Variants in LIN28B observed in about 807,000 individuals in gnomAD.
LIN28B encodes protein lin-28 homolog B.
In LIN28B, 5 loss-of-function variants were observed where a neutral mutation model predicts 21.9. The observed-to-expected ratio is 0.23, with a 90% CI of 0.12 to 0.48. The LOEUF (loss-of-function observed/expected upper bound fraction) is 0.48, where lower values mean the gene tolerates loss of function less well. LIN28B is among the 20% of genes least tolerant of loss of function. The probability of loss-of-function intolerance (pLI) is 0.98; values close to 1 mark genes in which losing one functional copy is unlikely to be tolerated. For synonymous variants in LIN28B, 109 were observed against 111.3 expected (o/e 0.98, Z 0.13); for missense variants, 245 against 310.5 (o/e 0.79, Z 1.58).
chr6:105,007,605 G>C (rs1453783230), intron 2 of LIN28B, among the ~76,000 whole-genome samples: 1 of 149,458 alleles, frequency 6.7e-6, no homozygotes, highest in Non-Finnish European at 1.5e-5. Flanking sequence ...GCTAACTACA[G>C]CCTTTAATTC....
At chr6:105,005,596 G>A (rs1057236275) in intron 2 of LIN28B, among the ~76,000 whole-genome samples, 7 of 152,010 alleles carry the variant, frequency 4.6e-5, no homozygotes, top group Non-Finnish European at 8.8e-5. Flanking sequence ...TGTGGCACTC[G>A]TCCCTTGGCT....
chr6:104,968,609 C>T (rs546769143), intron 2 of LIN28B, among the ~76,000 whole-genome samples: 2 of 152,142 alleles, frequency 1.3e-5, no homozygotes, highest in African/African-American at 2.4e-5. Context: ...ATTGCTATTT[C>T]GTTTTATGGT....
chr6:105,009,426 T>C (rs977180526), intron 2 of LIN28B, among the ~76,000 whole-genome samples: 2 of 152,040 alleles, frequency 1.3e-5, no homozygotes, highest in Admixed American at 1.3e-4. Flanking sequence ...GGTGGGGAGA[T>C]TGTGGAAAGC....
chr6:104,982,653 A>G (rs1160427520), intron 2 of LIN28B, among the ~76,000 whole-genome samples: 1 of 152,136 alleles, frequency 6.6e-6, no homozygotes, highest in Non-Finnish European at 1.5e-5. Flanking sequence ...CTCATGGGCC[A>G]TATGTGGTTG....
intron 2 of LIN28B, among the ~76,000 whole-genome samples, chr6:105,025,731 A>G (rs1771274215): frequency 6.6e-6 from 1 of 152,164 alleles, no homozygotes; most frequent in South Asian, 2.1e-4. Context: ...CAACATAGTG[A>G]GTCCCATATC....
chr6:104,997,508 A>G (rs530017968), intron 2 of LIN28B, among the ~76,000 whole-genome samples: 54 of 152,080 alleles, frequency 3.6e-4, no homozygotes, highest in African/African-American at 1.3e-3. Flanking sequence ...CAGTTGCCCA[A>G]TATAATATAG....
chr6:105,007,936 C>G (rs778473959), intron 2 of LIN28B, among the ~76,000 whole-genome samples: 1 of 152,170 alleles, frequency 6.6e-6, no homozygotes, highest in Admixed American at 6.5e-5. Context: ...TGAGCCACCA[C>G]GCCCAGCCCC....
At position 105,050,608 on chromosome 6, in the gene LIN28B, CAAAAAAAAAA is replaced by C. The variant is rs61464567; in HGVS notation, c.383+24143_383+24152del. On this transcript the variant is annotated intron_variant, in intron 3 of 3. Transcript: ENST00000345080. ...TGGGCGACAGAGCGAGACTCCGTCTCAAAAAAAAAAAAAAAAAAAAAAAAAAGAATGTTGA... is the reference window on the plus strand; with the variant it reads ...TGGGCGACAGAGCGAGACTCCGTCTCAAAAAAAAAAAAAAAAGAATGTTGA... 8.1e-3 allele frequency among the ~76,000 whole-genome samples: 388 copies of C among 47,618 alleles called. 18 individuals are homozygous for C. The East Asian group carries it at 0.17, about 21-fold the overall frequency. 31.2% of individuals were successfully genotyped at this position (47,618 alleles called of 152,430 possible). A position where few individuals can be genotyped will look rare whatever the true frequency, so the allele number is the denominator to read the frequency against.
chr6:105,078,570 G>A lies in LIN28B; in HGVS notation c.540G>A (p.Gln180=). 3 of 1,614,130 alleles carry A rather than the reference G, an allele frequency of 1.9e-6. No individual in the cohort carries two copies. The highest frequency in any genetic ancestry group is 2.5e-6 in the Non-Finnish European group (3 of 1,180,040). The change falls in exon 4 of 4, where the codon CAG becomes CAA. Residue 180 remains glutamine (Q), a synonymous_variant. Transcript: ENST00000345080. ...CACCCGCGAGTTCTCAGGGAAGACAGGAAGCAGAATCCCAGCCATGCACTT... is the reference window on the plus strand; with the variant it reads ...CACCCGCGAGTTCTCAGGGAAGACAAGAAGCAGAATCCCAGCCATGCACTT... ...AQPPASSQGR[Q]EAESQPCTST...
chr6:104,979,911 A>C, intron 2 of LIN28B, among the ~76,000 whole-genome samples: 1 of 152,274 alleles, frequency 6.6e-6, no homozygotes, highest in Middle Eastern at 3.4e-3. Flanking sequence ...TAAGCCATTT[A>C]TTATTTTTAA....
chr6:104,949,271 C>G (rs908735982), intron 2 of LIN28B, among the ~76,000 whole-genome samples: 3 of 152,118 alleles, frequency 2.0e-5, no homozygotes, highest in Admixed American at 1.3e-4. Context: ...TAAAGGAAAG[C>G]TCTGTTTCAT....
At position 105,046,155 on chromosome 6, in the gene LIN28B, A is replaced by G. The variant is rs562104439; in HGVS notation, c.383+19673A>G. ...TACATTAGGTATATCTCCTAATGCT[A>G]TCCGTCCCCCCTCCCTCCACCCCAT... On this transcript the variant is annotated intron_variant, in intron 3 of 3. Coordinates refer to ENST00000345080, the MANE Select transcript of LIN28B (RefSeq NM_001004317.4). 4.9e-4 allele frequency among the ~76,000 whole-genome samples: 74 copies of G among 152,134 alleles called. No homozygotes were observed. The East Asian group carries it at 9.1e-3, about 19-fold the overall frequency.
At chr6:104,963,267 C>T (rs983510785) in intron 2 of LIN28B, among the ~76,000 whole-genome samples, 3 of 152,204 alleles carry the variant, frequency 2.0e-5, no homozygotes, top group Admixed American at 6.5e-5. Flanking sequence ...AGGATGCTCT[C>T]GATCTCCTGA....
chr6:105,044,354 C>A (rs775526103), intron 3 of LIN28B, among the ~76,000 whole-genome samples: 29 of 152,142 alleles, frequency 1.9e-4, no homozygotes, highest in African/African-American at 6.5e-4. Flanking sequence ...CCTTTTAATT[C>A]CTCAAAGGTA....
intron 3 of LIN28B, among the ~76,000 whole-genome samples, chr6:105,074,013 CAG>C (rs777486604): frequency 1.3e-5 from 2 of 152,148 alleles, no homozygotes; most frequent in Non-Finnish European, 2.9e-5. Context: ...ATGAAATCCT[CAG>C]AAATTTGGGT....
At chr6:104,994,186 A>G (rs910417535) in intron 2 of LIN28B, among the ~76,000 whole-genome samples, 3 of 151,988 alleles carry the variant, frequency 2.0e-5, no homozygotes, top group Non-Finnish European at 4.4e-5. Flanking sequence ...TTGTATTTTT[A>G]GTAGAGACGG....
chr6:105,028,512 T>C (rs1771351810), intron 3 of LIN28B, among the ~76,000 whole-genome samples: 1 of 152,120 alleles, frequency 6.6e-6, no homozygotes, highest in Admixed American at 6.5e-5. Context: ...TGATATGTTT[T>C]GAAGGAAGAG....
At chr6:104,964,025 T>G (rs899234986) in intron 2 of LIN28B, among the ~76,000 whole-genome samples, 4 of 152,222 alleles carry the variant, frequency 2.6e-5, no homozygotes, top group African/African-American at 9.6e-5. Context: ...AATTGAGTCC[T>G]TCACTGTAAT....
chr6:105,049,860 A>G (rs1041128445), intron 3 of LIN28B, among the ~76,000 whole-genome samples: 10 of 143,576 alleles, frequency 7.0e-5, no homozygotes, highest in African/African-American at 2.5e-4. Context: ...GTTGGTAGAT[A>G]TTCCTCCTTC....
Sources: allele counts gnomAD v4.1 joint callset (sites outside exome capture counted in the v4.1 genomes callset), GRCh38; gene constraint gnomAD v4.1.1; transcripts MANE v1.5; gene names NCBI Gene and HGNC (gene_info 2026-07-23, HGNC 2026-07-21).